Variants in CDH20 observed in about 807,000 individuals in gnomAD.
The protein encoded by CDH20 is cadherin-20.
In CDH20, 29 loss-of-function variants were observed where a neutral mutation model predicts 74.2. The observed-to-expected ratio is 0.39, with a 90% confidence interval of 0.29 to 0.53. CDH20 has a LOEUF of 0.53. CDH20 is among the 20% of genes least tolerant of loss of function. The probability of loss-of-function intolerance (pLI) is 0.69; values close to 1 mark genes in which losing one functional copy is unlikely to be tolerated. For synonymous variants in CDH20, 469 were observed against 405.4 expected, an observed-to-expected ratio of 1.16 and a Z score of -1.88; for missense variants, 988 against 1,048.3, an observed-to-expected ratio of 0.94 and a Z score of 0.79.
chr18:61,341,619 A>G (rs1442709998), intron 1 of CDH20, among the ~76,000 whole-genome samples: 1 of 152,184 alleles, frequency 6.6e-6, no homozygotes, highest in Admixed American at 6.5e-5. Context: ...AGAGGCACCA[A>G]CCATCATTAC....
At chr18:61,364,872 G>A (rs1599038108) in intron 1 of CDH20, among the ~76,000 whole-genome samples, 1 of 152,196 alleles carries the variant, frequency 6.6e-6, no homozygotes, top group Admixed American at 6.5e-5. Context: ...CTAAGACACG[G>A]CTACAGCTAA....
At chr18:61,396,899 C>A (rs1253776641) in intron 1 of CDH20, among the ~76,000 whole-genome samples, 1 of 152,204 alleles carries the variant, frequency 6.6e-6, no homozygotes, top group Non-Finnish European at 1.5e-5. Flanking sequence ...AATTTGTCCA[C>A]ACACAGTCTC....
At chr18:61,546,268 TTTGAGA>T (rs1185111535) in intron 10 of CDH20, among the ~76,000 whole-genome samples, 1 of 152,220 alleles carries the variant, frequency 6.6e-6, no homozygotes, top group Non-Finnish European at 1.5e-5. Context: ...ACATCAATTA[TTTGAGA>T]TTAAAAGTAT....
At chr18:61,525,313 A>G (rs926598206) in intron 6 of CDH20, among the ~76,000 whole-genome samples, 6 of 152,324 alleles carry the variant, frequency 3.9e-5, no homozygotes, top group Middle Eastern at 3.4e-3. Flanking sequence ...TAGAAAAACA[A>G]TTTAAAATTA....
At chr18:61,528,372 TCCC>T in intron 7 of CDH20, 152 bp downstream of exon 7, 5 of 786,060 alleles carry the variant, frequency 6.4e-6, no homozygotes, top group Non-Finnish European at 1.0e-5. Context: ...TTTTTTTTTT[TCCC>T]TTAAATAACA....
intron 1 of CDH20, among the ~76,000 whole-genome samples, chr18:61,476,094 C>A (rs944376541): frequency 2.6e-5 from 4 of 152,100 alleles, no homozygotes; most frequent in African/African-American, 9.7e-5. Flanking sequence ...TCTCCCACCC[C>A]GCAGGCTCTT....
chr18:61,534,774 C>T (rs1173198737), intron 7 of CDH20, among the ~76,000 whole-genome samples: 1 of 152,134 alleles, frequency 6.6e-6, no homozygotes, highest in African/African-American at 2.4e-5. Flanking sequence ...AAGTTCAAAG[C>T]TTCAGTAAGG....
At chr18:61,515,619 G>T (rs1388975833) in intron 6 of CDH20, among the ~76,000 whole-genome samples, 4 of 151,364 alleles carry the variant, frequency 2.6e-5, no homozygotes, top group Non-Finnish European at 5.9e-5. Flanking sequence ...ATGAGTTCAT[G>T]TCCTTTGTAG....
chr18:61,352,460 T>C (rs762302834), intron 1 of CDH20, among the ~76,000 whole-genome samples: 3 of 152,184 alleles, frequency 2.0e-5, no homozygotes, highest in Non-Finnish European at 2.9e-5. Flanking sequence ...ATGATAACTA[T>C]TTGTGGCTGG....
At chr18:61,499,559 C>A in intron 3 of CDH20, 79 bp downstream of exon 3, 2 of 1,101,072 alleles carry the variant, frequency 1.8e-6, no homozygotes, top group Non-Finnish European at 2.7e-6. Context: ...CACATGCACA[C>A]ACACATGTAG....
chr18:61,485,767 C>T (rs1400086059), intron 1 of CDH20, among the ~76,000 whole-genome samples: 9 of 152,012 alleles, frequency 5.9e-5, no homozygotes, highest in African/African-American at 1.9e-4. Flanking sequence ...GGTTCTCTCT[C>T]GAGAAATAGA....
chr18:61,342,632 C>T (rs1909989100), intron 1 of CDH20, among the ~76,000 whole-genome samples: 1 of 152,222 alleles, frequency 6.6e-6, no homozygotes, highest in African/African-American at 2.4e-5. Context: ...CCACTTGGGA[C>T]AACACAAAAT....
intron 6 of CDH20, among the ~76,000 whole-genome samples, chr18:61,516,395 G>A (rs1318064844): frequency 6.6e-6 from 1 of 152,110 alleles, no homozygotes; most frequent in Non-Finnish European, 1.5e-5. Context: ...AACACAGAAA[G>A]AAATATTTGT....
rs565759628 is a variant in CDH20, at chr18:61,417,948, CATA to C, written c.-152-72449_-152-72447del. On this transcript the variant is annotated intron_variant, in intron 1 of 11. Transcript: ENST00000262717. ...TGAATATGTATAACTGTTAAGTATCCATAATAACTAAAAATTAAAAATCTAAAA... is the reference window on the plus strand; with the variant it reads ...TGAATATGTATAACTGTTAAGTATCCATAACTAAAAATTAAAAATCTAAAA... Among the ~76,000 whole-genome samples, 314 of 152,122 alleles carry C rather than the reference CATA, an allele frequency of 2.1e-3. 2 individuals are homozygous for C. Among genetic ancestry groups the C allele is most frequent in the Non-Finnish European group, 3.7e-3 (251 of 67,978 alleles).
intron 1 of CDH20, among the ~76,000 whole-genome samples, chr18:61,436,467 G>A (rs1283045747): frequency 6.6e-6 from 1 of 152,142 alleles, no homozygotes; most frequent in Non-Finnish European, 1.5e-5. Flanking sequence ...GTAAAGTGCT[G>A]TCTCATTGTG....
At chr18:61,511,876 G>A (rs992719282) in intron 6 of CDH20, among the ~76,000 whole-genome samples, 19 of 152,138 alleles carry the variant, frequency 1.2e-4, no homozygotes, top group South Asian at 6.2e-4. Flanking sequence ...CTGAACTTAT[G>A]AGCTGCCAGA....
intron 1 of CDH20, among the ~76,000 whole-genome samples, chr18:61,390,411 G>A (rs1911741231): frequency 1.3e-5 from 2 of 152,104 alleles, no homozygotes; most frequent in East Asian, 3.8e-4. Context: ...CTAGAGTAAA[G>A]CAAACGTAAA....
chr18:61,389,267 G>A (rs1025363888), intron 1 of CDH20, among the ~76,000 whole-genome samples: 10 of 152,140 alleles, frequency 6.6e-5, no homozygotes, highest in African/African-American at 1.9e-4. Flanking sequence ...ATTTTACAAC[G>A]AGAAAAGTAA....
At chr18:61,344,336 T>A (rs1910048261) in intron 1 of CDH20, among the ~76,000 whole-genome samples, 1 of 152,130 alleles carries the variant, frequency 6.6e-6, no homozygotes, top group Non-Finnish European at 1.5e-5. Flanking sequence ...AGAAATGAAG[T>A]CACAGAGAAG....
Sources: allele counts gnomAD v4.1 joint callset (sites outside exome capture counted in the v4.1 genomes callset), GRCh38; gene constraint gnomAD v4.1.1; transcripts MANE v1.5; gene names NCBI Gene and HGNC (gene_info 2026-07-23, HGNC 2026-07-21).